The following USH2A variants were observed in gnomAD, a reference collection of about 807,000 sequenced individuals.
The protein encoded by USH2A is Usher syndrome 2A (autosomal recessive, mild).
USH2A carries 443 observed loss-of-function variants against 538.9 expected under a neutral mutation model. The observed-to-expected ratio is 0.82, with a 90% CI of 0.76 to 0.89. The LOEUF (loss-of-function observed/expected upper bound fraction) is 0.89, where lower values mean the gene tolerates loss of function less well. Ranked by LOEUF, USH2A falls within the 40% of genes least tolerant of loss-of-function variation. USH2A has a pLI of 0.00. For synonymous variants in USH2A, 2,413 were observed against 2,273.5 expected (o/e 1.06, Z -1.75); for missense variants, 6,633 against 6,324.8 (o/e 1.05, Z -1.65).
At position 215,987,074 on chromosome 1, in the gene USH2A, A is replaced by T. The variant is rs185836316; in HGVS notation, c.6805+5946T>A. ...TTTAAAAAAAACACATATTCTAATT[A>T]GTTTAAAATGTCACTGTAAATGTTA... On this transcript the variant is annotated intron_variant, in intron 35 of 71. Transcript: ENST00000307340. Among the ~76,000 whole-genome samples the T allele has an allele frequency of 2.9e-4, 44 of 152,352 alleles. No homozygotes were observed. In the South Asian group the frequency reaches 6.6e-3, roughly 23 times the overall value.
intron 47 of USH2A, among the ~76,000 whole-genome samples, chr1:215,835,081 T>A (rs1429507608): frequency 6.6e-6 from 1 of 150,462 alleles, no homozygotes; most frequent in Non-Finnish European, 1.5e-5. Flanking sequence ...TAATTTTTTT[T>A]CCTCACCTGC....
intron 10 of USH2A, among the ~76,000 whole-genome samples, chr1:216,290,594 C>T (rs1002246777): frequency 6.6e-6 from 1 of 152,090 alleles, no homozygotes; most frequent in Non-Finnish European, 1.5e-5. Flanking sequence ...ATTTATAAAC[C>T]ATGATAAGCA....
At chr1:216,231,526 C>CA (rs1446972157) in intron 14 of USH2A, among the ~76,000 whole-genome samples, 1 of 144,368 alleles carries the variant, frequency 6.9e-6, no homozygotes, top group East Asian at 2.2e-4. Context: ...TGTCACGGAA[C>CA]AAAAAACATA....
intron 32 of USH2A, among the ~76,000 whole-genome samples, chr1:216,015,650 C>T (rs1033678492): frequency 1.3e-5 from 2 of 152,172 alleles, no homozygotes; most frequent in African/African-American, 4.8e-5. Flanking sequence ...TAAAAGCATT[C>T]CTATTTCTCC....
At chr1:215,983,187 C>A (rs900689229) in intron 35 of USH2A, among the ~76,000 whole-genome samples, 1 of 152,022 alleles carries the variant, frequency 6.6e-6, no homozygotes, top group Non-Finnish European at 1.5e-5. Flanking sequence ...CTGATGAACT[C>A]CTGACCCCAG....
intron 11 of USH2A, among the ~76,000 whole-genome samples, chr1:216,287,341 A>G (rs1571662786): frequency 1.3e-5 from 2 of 152,366 alleles, no homozygotes; most frequent in African/African-American, 4.8e-5. Context: ...TATCCTGCTT[A>G]TAAATGGTAC....
Position 216,070,085 on chromosome 1 carries a change from A to C in USH2A, c.6049+16T>G. 1 of 1,613,628 alleles carries C rather than the reference A, an allele frequency of 6.2e-7. No individual in the cohort carries two copies. The highest frequency in any genetic ancestry group is 8.5e-7 in the Non-Finnish European group (1 of 1,179,682). On this transcript the variant is annotated intron_variant, in intron 30 of 71. Coordinates refer to ENST00000307340, the MANE Select transcript of USH2A (RefSeq NM_206933.4). ...GGAAGTTAATAGGGTCTACTCTGTT[A>C]AAGGATTGCATTTACCTGTGAGGTT...
intron 3 of USH2A, among the ~76,000 whole-genome samples, chr1:216,382,679 A>G (rs6662180): frequency 0.076 from 11,506 of 152,194 alleles, 1,213 homozygotes; most frequent in African/African-American, 0.23. Flanking sequence ...ATTCCCAGGG[A>G]AAGTGTGTGC....
intron 3 of USH2A, among the ~76,000 whole-genome samples, chr1:216,368,803 G>A (rs1027454894): frequency 2.0e-5 from 3 of 152,234 alleles, no homozygotes; most frequent in African/African-American, 7.2e-5. Context: ...TATATGTGGT[G>A]TATAACGTAT....
intron 40 of USH2A, among the ~76,000 whole-genome samples, chr1:215,893,320 T>C (rs939955428): frequency 6.6e-6 from 1 of 152,192 alleles, no homozygotes; most frequent in Non-Finnish European, 1.5e-5. Flanking sequence ...CAGCAGTTTT[T>C]AGATACTTGA....
At chr1:216,410,734 C>A (rs773834517) in intron 3 of USH2A, among the ~76,000 whole-genome samples, 1 of 152,146 alleles carries the variant, frequency 6.6e-6, no homozygotes, top group Non-Finnish European at 1.5e-5. Flanking sequence ...ACTGTACCTG[C>A]AATTACATAA....
intron 23 of USH2A, chr1:216,087,050 A>T (rs1427670345): frequency 3.3e-5 from 16 of 481,530 alleles, no homozygotes; most frequent in Non-Finnish European, 4.7e-5. Flanking sequence ...TTCTCTACCC[A>T]TAGGCACCCC....
chr1:216,215,528 A>G (rs1392908715), intron 15 of USH2A, among the ~76,000 whole-genome samples: 2 of 151,974 alleles, frequency 1.3e-5, no homozygotes, highest in African/African-American at 2.4e-5. Flanking sequence ...CTCCCCTCCT[A>G]TTATCAGTGT....
At chr1:216,002,339 C>A (rs924610548) in intron 32 of USH2A, among the ~76,000 whole-genome samples, 2 of 152,152 alleles carry the variant, frequency 1.3e-5, no homozygotes, top group Non-Finnish European at 2.9e-5. Flanking sequence ...TCTTCATCTT[C>A]GCTCTCTGGT....
At chr1:216,122,301 C>T (rs548759356) in intron 21 of USH2A, among the ~76,000 whole-genome samples, 2 of 152,188 alleles carry the variant, frequency 1.3e-5, no homozygotes, top group South Asian at 4.1e-4. Context: ...CAAAATGTTT[C>T]AGGGATCCAA....
At chr1:216,281,172 T>A (rs951970517) in intron 11 of USH2A, among the ~76,000 whole-genome samples, 8 of 152,156 alleles carry the variant, frequency 5.3e-5, no homozygotes, top group Non-Finnish European at 1.0e-4. Context: ...AAAATTAAGA[T>A]AATATATGAA....
In USH2A at chr1:215,634,476, G is replaced by A. The variant is rs752679936; in HGVS notation, c.15280C>T (p.Pro5094Ser). Reference sequence around the variant, plus strand: ...AAACATACCATATGGTTTTCCCCCGGTGGGTAAACATTCAATGGAGACATC... The same window carrying A: ...AAACATACCATATGGTTTTCCCCCGATGGGTAAACATTCAATGGAGACATC... ...KRMSPLNVYP[P>S]GENHMGLADT... is the part of the protein sequence containing the mutation. The change falls in exon 70 of 72, where the codon CCG (proline) becomes TCG (serine). Residue 5094 changes from proline (P) to serine (S), a missense_variant. By Grantham distance (74) the Pro-to-Ser change is moderately conservative. Transcript: ENST00000307340. The A allele has an allele frequency of 6.2e-7, 1 of 1,614,184 alleles. No individual in the cohort carries two copies. The highest frequency in any genetic ancestry group is 1.1e-5 in the South Asian group (1 of 91,082).
intron 9 of USH2A, among the ~76,000 whole-genome samples, chr1:216,317,271 T>C (rs2037526385): frequency 3.3e-5 from 5 of 152,134 alleles, no homozygotes; most frequent in Admixed American, 3.3e-4. Flanking sequence ...AAGTCATTAT[T>C]CTCAGCAAAA....
Position 215,813,839 on chromosome 1 carries a change from G to T in USH2A, c.9636C>A (p.Ile3212=). The T allele has an allele frequency of 6.2e-7, 1 of 1,613,898 alleles. No individual in the cohort carries two copies. Among genetic ancestry groups the T allele is most frequent in the Non-Finnish European group, 8.5e-7 (1 of 1,179,872 alleles). ...PGHRCCEEKY[I]PFVLNSTGVC... ...CTCCAGTAGAATTCAGAACAAACGGGATATACTTTTCTTCACAACAGCGAT... is the reference window on the plus strand; with the variant it reads ...CTCCAGTAGAATTCAGAACAAACGGTATATACTTTTCTTCACAACAGCGAT... The change falls in exon 49 of 72, where the codon ATC becomes ATA. Residue 3212 remains isoleucine, a synonymous_variant. Coordinates refer to ENST00000307340, the MANE Select transcript of USH2A (RefSeq NM_206933.4).
Sources: allele counts gnomAD v4.1 joint callset (sites outside exome capture counted in the v4.1 genomes callset), GRCh38; gene constraint gnomAD v4.1.1; transcripts MANE v1.5; gene names NCBI Gene and HGNC (gene_info 2026-07-23, HGNC 2026-07-21).